The following TUB variants were observed in gnomAD, a reference collection of about 807,000 sequenced individuals.
TUB encodes the protein tubby protein homolog.
In TUB, 33 loss-of-function variants were observed where a neutral mutation model predicts 59.7. The observed-to-expected ratio is 0.55, with a 90% CI of 0.42 to 0.74. The LOEUF is 0.74. Ranked by LOEUF, TUB falls within the 30% of genes least tolerant of loss-of-function variation. The pLI is 0.00. For missense variants in TUB, 659 were observed against 672.0 expected, an observed-to-expected ratio of 0.98 and a Z score of 0.21; for synonymous variants, 293 against 256.4, an observed-to-expected ratio of 1.14 and a Z score of -1.36.
Position 8,100,409 on chromosome 11 carries a change from G to A in TUB, c.1117-94G>A, listed in dbSNP as rs1042094148. The A allele has an allele frequency of 1.4e-5, 13 of 948,570 alleles. No homozygotes were observed. The African/African-American group carries it at 1.6e-4, about 12-fold the overall frequency. 58.8% of individuals were successfully genotyped at this position (948,570 alleles called of 1,614,324 possible). A position where few individuals can be genotyped will look rare whatever the true frequency, so the allele number is the denominator to read the frequency against. ...GTTAGACTTCGGAGTGGAGATGGTG[G>A]GAACTAGCTCTTCCTCTTTATTCCC... is the stretch of plus-strand genomic sequence containing the variant. On this transcript the variant is annotated intron_variant, in intron 9 of 11. Transcript: ENST00000299506.
At chr11:8,026,785 TC>T (rs1360929271) in intron 1 of TUB, among the ~76,000 whole-genome samples, 2 of 152,030 alleles carry the variant, frequency 1.3e-5, no homozygotes, top group Non-Finnish European at 2.9e-5. Flanking sequence ...CTAACCCCCA[TC>T]CCCCCAAAAA....
chr11:8,101,717 C>T lies in TUB; in HGVS notation c.*98C>T, dbSNP rs111814239. The stretch of plus-strand genomic sequence containing the variant: ...GCCTATCCTCTGTATATAGGCCTTC[C>T]GCCAGATGAAGCTTTGGCCCTCAGT... On this transcript the variant is annotated 3_prime_UTR_variant, in exon 12 of 12. Transcript: ENST00000299506. 4.7e-5 allele frequency: 70 copies of T among 1,484,818 alleles called. No individual in the cohort carries two copies. The highest frequency in any genetic ancestry group is 3.2e-4 in the African/African-American group (23 of 71,846). 92.0% of individuals were successfully genotyped at this position (1,484,818 alleles called of 1,614,324 possible).
At position 8,020,694 on chromosome 11, in the gene TUB, C is replaced by T. The variant is rs187366157; in HGVS notation, c.56+1336C>T. 1.4e-3 allele frequency among the ~76,000 whole-genome samples: 208 copies of T among 152,302 alleles called. 2 individuals carry two copies. Among genetic ancestry groups the T allele is most frequent in the Non-Finnish European group, 1.9e-3 (128 of 68,026 alleles). On this transcript the variant is annotated intron_variant, in intron 1 of 11. Coordinates refer to the TUB transcript ENST00000534099. ...TCATCAGCCCTTCCTTGCACAGCCC[C>T]AGCAAATCTCCTGTCCACCTCATGA...
At chr11:8,039,137 C>G in intron 1 of TUB, 1 of 1,350,880 alleles carries the variant, frequency 7.4e-7, no homozygotes, top group East Asian at 2.5e-5. Flanking sequence ...CCTCCCCTTC[C>G]TGATGGTGCT....
At chr11:8,051,604 G>T (rs373621493) in intron 2 of TUB, among the ~76,000 whole-genome samples, 1 of 151,990 alleles carries the variant, frequency 6.6e-6, no homozygotes, top group Non-Finnish European at 1.5e-5. Context: ...CACTCTCTCC[G>T]CACAGTATCT....
chr11:8,025,515 C>T (rs1049515199), intron 1 of TUB, among the ~76,000 whole-genome samples: 1 of 152,162 alleles, frequency 6.6e-6, no homozygotes, highest in Admixed American at 6.5e-5. Flanking sequence ...CCCACTCCAC[C>T]CATCCTCAGG....
chr11:8,074,096 GT>G (rs112714039), intron 2 of TUB, among the ~76,000 whole-genome samples: 59,650 of 149,670 alleles, frequency 0.4, 12,895 homozygotes, highest in South Asian at 0.5. Context: ...GGTTTTTGTG[GT>G]TTTTTTTTTT....
chr11:8,038,875 T>G, exon 1 of TUB: 1 of 1,613,886 alleles, frequency 6.2e-7, no homozygotes, highest in South Asian at 1.1e-5. Flanking sequence ...GTGGCCACGA[T>G]GGGGGCCAGG....
intron 2 of TUB, 42 bp downstream of exon 2, chr11:8,089,703 T>TGGGATCTCTGAGGGCAGAGGGGCA: frequency 6.2e-7 from 1 of 1,613,046 alleles, no homozygotes; most frequent in Non-Finnish European, 8.5e-7. Flanking sequence ...GAGTCTGGGC[T>TGGGATCTCTGAGGGCAGAGGGGCA]GGGATCTCTG....
intron 1 of TUB, chr11:8,039,430 A>ACTGCCTGCCTGCCTGC (rs56870342): frequency 9.3e-5 from 41 of 441,364 alleles, no homozygotes; most frequent in Admixed American, 1.7e-4. Flanking sequence ...CCTCATCTGG[A>ACTGCCTGCCTGCCTGC]CTGCCTGCCT....
chr11:8,091,277 C>T (rs1336632922), intron 3 of TUB, among the ~76,000 whole-genome samples: 1 of 152,200 alleles, frequency 6.6e-6, no homozygotes, highest in African/African-American at 2.4e-5. Context: ...GTGGGTCTCA[C>T]TTGCCTGGTG....
rs145614691 is a variant in TUB at position 8,027,755 on chromosome 11, T to C, written c.56+8397T>C. ...GTCTTGAACTCCTGACCTCAAGTGA[T>C]CCGCCCATCTCAGCCTCCCCAGGTG... On this transcript the variant is annotated intron_variant, in intron 1 of 11. Transcript: ENST00000534099. Among the ~76,000 whole-genome samples, 732 of 152,352 alleles carry C rather than the reference T, an allele frequency of 4.8e-3. 5 individuals are homozygous for C. The highest frequency in any genetic ancestry group is 0.017 in the African/African-American group (704 of 41,582).
Position 8,101,596 on chromosome 11 carries a change from G to C in TUB, c.1498G>C (p.Asp500His). 6.2e-7 allele frequency: 1 copy of C among 1,614,190 alleles called. No individual in the cohort carries two copies. The highest frequency in any genetic ancestry group is 8.5e-7 in the Non-Finnish European group (1 of 1,180,026). ...CTTTGCCATTGCCCTGTCCAGCTTC[G>C]ACAGCAAGCTGGCGTGCGAGTAGAG... is the stretch of plus-strand genomic sequence containing the variant. ...QAFAIALSSF[D>H]SKLACE The change falls in exon 12 of 12, where the codon GAC becomes CAC. Residue 500 changes from aspartate to histidine, a missense_variant. Coordinates refer to ENST00000299506, the MANE Select transcript of TUB (RefSeq NM_177972.3).
intron 3 of TUB, among the ~76,000 whole-genome samples, chr11:8,090,580 T>A (rs1943752958): frequency 6.6e-6 from 1 of 152,198 alleles, no homozygotes. Flanking sequence ...TATTCTACAT[T>A]CTGAGAGGAA....
chr11:8,098,726 A>G lies in TUB; in HGVS notation c.999-32A>G, dbSNP rs372363704. 9.2e-6 allele frequency: 14 copies of G among 1,521,688 alleles called. No homozygotes were observed. The African/African-American group carries it at 9.6e-5, about 10-fold the overall frequency. 94.3% of individuals were successfully genotyped at this position (1,521,688 alleles called of 1,614,324 possible). On this transcript the variant is annotated intron_variant, in intron 8 of 11. Transcript: ENST00000299506. Reference sequence around the variant, plus strand: ...TTCCCTGCTCTGGGGCAGAGGGTGCATGACTCTATACTGATTGTGCCTTTA... The same window carrying G: ...TTCCCTGCTCTGGGGCAGAGGGTGCGTGACTCTATACTGATTGTGCCTTTA...
At chr11:8,046,385 A>G (rs1462879531) in intron 2 of TUB, among the ~76,000 whole-genome samples, 2 of 152,120 alleles carry the variant, frequency 1.3e-5, no homozygotes, top group Admixed American at 6.5e-5. Flanking sequence ...TGCTTACTCT[A>G]CATTCCCAAC....
intron 1 of TUB, among the ~76,000 whole-genome samples, chr11:8,019,550 T>G (rs1336519417): frequency 6.6e-6 from 1 of 151,898 alleles, no homozygotes; most frequent in Non-Finnish European, 1.5e-5. Context: ...GAGGGTAGTG[T>G]CCCCACACCC....
At chr11:8,055,672 C>G (rs2133762754) in intron 2 of TUB, among the ~76,000 whole-genome samples, 1 of 152,324 alleles carries the variant, frequency 6.6e-6, no homozygotes, top group South Asian at 2.1e-4. Context: ...GGCAAGAGTA[C>G]AGGATGATGA....
intron 2 of TUB, among the ~76,000 whole-genome samples, chr11:8,064,459 C>T (rs553577496): frequency 9.2e-5 from 14 of 152,188 alleles, no homozygotes; most frequent in Non-Finnish European, 1.9e-4. Flanking sequence ...CAAGAGTTTA[C>T]CCAGTACCTG....
Sources: gnomAD v4.1 joint callset for allele counts (sites outside exome capture counted in the v4.1 genomes callset) on GRCh38, gnomAD v4.1.1 for gene constraint, MANE v1.5 for transcripts, NCBI Gene and HGNC (gene_info 2026-07-23, HGNC 2026-07-21) for gene names.